Variants in PPA2 observed in about 807,000 individuals in gnomAD.
PPA2 encodes inorganic pyrophosphatase 2.
A neutral mutation model predicts 49.5 loss-of-function variants in PPA2; 48 were observed. The observed-to-expected ratio is 0.97, with a 90% CI of 0.77 to 1.23. The LOEUF (loss-of-function observed/expected upper bound fraction) is 1.23. PPA2 is among the 50% of genes most tolerant of loss of function. The pLI is 0.00. For synonymous variants in PPA2, 131 were observed against 139.9 expected (o/e 0.94, Z 0.45); for missense variants, 429 against 410.1 (o/e 1.05, Z -0.40).
At chr4:105,409,002 T>C (rs866738759) in intron 7 of PPA2, among the ~76,000 whole-genome samples, 15 of 152,308 alleles carry the variant, frequency 9.8e-5, no homozygotes, top group Admixed American at 4.6e-4. Context: ...AGATGGGTGA[T>C]ATCTGCATTT....
At chr4:105,451,905 T>TAACA (rs1454443553) in intron 3 of PPA2, among the ~76,000 whole-genome samples, 4 of 152,212 alleles carry the variant, frequency 2.6e-5, no homozygotes, top group Non-Finnish European at 5.9e-5. Flanking sequence ...TTAGCCTGGT[T>TAACA]TTCCTAAGAT....
chr4:105,370,244 CTCA>C (rs891425761), intron 11 of PPA2, among the ~76,000 whole-genome samples: 1 of 152,110 alleles, frequency 6.6e-6, no homozygotes, highest in African/African-American at 2.4e-5. Flanking sequence ...GTAAATAGTT[CTCA>C]TATTTCTTCC....
intron 1 of PPA2, among the ~76,000 whole-genome samples, 192 bp from the exon 2 acceptor site, chr4:105,456,937 C>T (rs1722897492): frequency 6.6e-6 from 1 of 152,064 alleles, no homozygotes; most frequent in South Asian, 2.1e-4. Flanking sequence ...GAAATATATA[C>T]CGGCTAAACC....
chr4:105,408,095 T>C (rs112339415), intron 7 of PPA2, among the ~76,000 whole-genome samples: 2 of 145,078 alleles, frequency 1.4e-5, no homozygotes, highest in African/African-American at 5.1e-5. Context: ...AAACAAACAA[T>C]TATAAATCTG....
chr4:105,414,887 C>G (rs1269663614), intron 7 of PPA2, among the ~76,000 whole-genome samples: 1 of 152,186 alleles, frequency 6.6e-6, no homozygotes, highest in East Asian at 1.9e-4. Context: ...GACAGTACAG[C>G]TCGCAGAAGA....
intron 9 of PPA2, 26 bp downstream of exon 9, chr4:105,396,223 C>T: frequency 7.0e-7 from 1 of 1,422,816 alleles, no homozygotes; most frequent in Non-Finnish European, 9.7e-7. Flanking sequence ...TATAACATTA[C>T]TTACATAGAA....
intron 7 of PPA2, among the ~76,000 whole-genome samples, chr4:105,400,998 T>A (rs1034791905): frequency 6.6e-6 from 1 of 151,810 alleles, no homozygotes; most frequent in South Asian, 2.1e-4. Context: ...AACAAAAAAA[T>A]TACAGTAAGA....
At chr4:105,456,801 T>C in intron 1 of PPA2, 56 bp from the exon 2 acceptor site, 1 of 1,369,808 alleles carries the variant, frequency 7.3e-7, no homozygotes, top group Non-Finnish European at 1.0e-6. Flanking sequence ...GACACATTGT[T>C]CTATACAGCA....
intron 1 of PPA2, among the ~76,000 whole-genome samples, chr4:105,468,762 A>G (rs558454290): frequency 6.6e-6 from 1 of 152,114 alleles, no homozygotes; most frequent in Non-Finnish European, 1.5e-5. Flanking sequence ...TCAGCTCTTC[A>G]TTCACTTTTA....
chr4:105,423,093 C>A (rs1723325359), intron 7 of PPA2: 1 of 152,014 alleles, frequency 6.6e-6, no homozygotes, highest in Admixed American at 6.6e-5. Context: ...TAGAAAAAAT[C>A]AGGGTAAAAT....
intron 5 of PPA2, among the ~76,000 whole-genome samples, chr4:105,441,534 T>C (rs1724359089): frequency 6.6e-6 from 1 of 152,018 alleles, no homozygotes; most frequent in Non-Finnish European, 1.5e-5. Flanking sequence ...TAAAGTAAAA[T>C]AGTTATACAA....
At chr4:105,429,291 A>T (rs903419668) in intron 6 of PPA2, among the ~76,000 whole-genome samples, 2 of 152,212 alleles carry the variant, frequency 1.3e-5, no homozygotes, top group African/African-American at 4.8e-5. Flanking sequence ...GCAGAATACA[A>T]GAAACGAGTA....
intron 7 of PPA2, chr4:105,406,912 T>TA (rs1216991808): frequency 6.6e-6 from 1 of 151,872 alleles, no homozygotes; most frequent in Admixed American, 6.6e-5. Context: ...ATATAAAGCT[T>TA]AAAAAACCCT....
chr4:105,472,682 G>A (rs1176461448), intron 1 of PPA2, among the ~76,000 whole-genome samples: 1 of 152,070 alleles, frequency 6.6e-6, no homozygotes, highest in African/African-American at 2.4e-5. Flanking sequence ...AACCAATTTT[G>A]AAGAAAATAG....
intron 8 of PPA2, among the ~76,000 whole-genome samples, chr4:105,396,685 C>T (rs1578814962): frequency 6.6e-6 from 1 of 152,228 alleles, no homozygotes. Flanking sequence ...TCTAGTACTA[C>T]GATAGCAGAG....
chr4:105,447,215 A>G (rs1390232680), intron 4 of PPA2, among the ~76,000 whole-genome samples: 1 of 152,244 alleles, frequency 6.6e-6, no homozygotes, highest in African/African-American at 2.4e-5. Context: ...GCCTTAAAAA[A>G]AGCAGAACAT....
chr4:105,471,102 T>C (rs1414656028), intron 1 of PPA2, among the ~76,000 whole-genome samples: 1 of 152,256 alleles, frequency 6.6e-6, no homozygotes, highest in Non-Finnish European at 1.5e-5. Context: ...TTCTAATTTA[T>C]TAAACCATGA....
At chr4:105,469,953 T>C (rs1215160396) in intron 1 of PPA2, among the ~76,000 whole-genome samples, 2 of 152,208 alleles carry the variant, frequency 1.3e-5, no homozygotes, top group African/African-American at 4.8e-5. Context: ...AAACCTACAG[T>C]AATTTCAACA....
chr4:105,410,267 G>C (rs1722690403), intron 7 of PPA2, among the ~76,000 whole-genome samples: 1 of 152,212 alleles, frequency 6.6e-6, no homozygotes, highest in Non-Finnish European at 1.5e-5. Flanking sequence ...CATGACGCAT[G>C]CAAAAGCTTC....
Sources: gnomAD v4.1 joint callset for allele counts (sites outside exome capture counted in the v4.1 genomes callset) on GRCh38, gnomAD v4.1.1 for gene constraint, MANE v1.5 for transcripts, NCBI Gene and HGNC (gene_info 2026-07-23, HGNC 2026-07-21) for gene names.